DSE: variants seen among roughly 807,000 people sequenced by gnomAD.
DSE encodes dermatan-sulfate epimerase.
Under a neutral mutation model 84.4 loss-of-function variants are expected in DSE, and 36 were observed. The observed-to-expected ratio is 0.43, with a 90% CI of 0.33 to 0.56. DSE has a LOEUF of 0.56. Among genes scored for constraint, DSE ranks in the 20% least tolerant of loss-of-function variants. The pLI, the probability that DSE is intolerant of heterozygous loss-of-function variation, is 0.06. For synonymous variants in DSE, 410 were observed against 430.1 expected (o/e 0.95, Z 0.58); for missense variants, 862 against 1,169.6 (o/e 0.74, Z 3.84).
chr6:116,321,749 G>A (rs9488903), intron 2 of DSE, among the ~76,000 whole-genome samples: 25,075 of 152,100 alleles, frequency 0.16, 2,322 homozygotes, highest in African/African-American at 0.23. Flanking sequence ...ACTCCAGCCC[G>A]GGTGGACAGT....
At chr6:116,281,308 T>C (rs1773515447) in intron 2 of DSE, among the ~76,000 whole-genome samples, 1 of 152,196 alleles carries the variant, frequency 6.6e-6, no homozygotes, top group Non-Finnish European at 1.5e-5. Flanking sequence ...TCCAAAGGAA[T>C]GACAACACCT....
intron 1 of DSE, among the ~76,000 whole-genome samples, chr6:116,371,339 C>A (rs1779551669): frequency 2.0e-5 from 3 of 152,224 alleles, no homozygotes; most frequent in African/African-American, 4.8e-5. Flanking sequence ...ACGGGCTTCC[C>A]CGGCGGCGGA....
At chr6:116,272,362 G>A (rs1433622211) in intron 2 of DSE, among the ~76,000 whole-genome samples, 3 of 152,192 alleles carry the variant, frequency 2.0e-5, no homozygotes, top group Admixed American at 6.5e-5. Context: ...AGAGCAAATA[G>A]TGATCAACAG....
At position 116,441,232 on chromosome 6, in the gene DSE, A is replaced by G. The variant is rs1178130677; in HGVS notation, c.*3887A>G. On this transcript the variant is annotated 3_prime_UTR_variant, in exon 6 of 6. Transcript: ENST00000644252. Reference sequence around the variant, plus strand: ...TTCTGTTAAACAAGACATAGTCACTATGTGAAGAATAAAAATAGACAAAGT... The same window carrying G: ...TTCTGTTAAACAAGACATAGTCACTGTGTGAAGAATAAAAATAGACAAAGT... The G allele has an allele frequency of 1.3e-5, 2 of 152,126 alleles. No homozygotes were observed. The highest frequency in any genetic ancestry group is 2.9e-5 in the Non-Finnish European group (2 of 68,034). The allele number at this position is 152,126 out of a possible 1,614,324, so 9.4% of individuals were successfully genotyped here. A position where few individuals can be genotyped will look rare whatever the true frequency, so the allele number is the denominator to read the frequency against.
intron 2 of DSE, among the ~76,000 whole-genome samples, chr6:116,303,864 G>A (rs923438448): frequency 3.3e-5 from 5 of 152,078 alleles, no homozygotes; most frequent in Non-Finnish European, 5.9e-5. Context: ...GGCCCGGTGC[G>A]GTGGCTCATG....
chr6:116,309,070 A>G (rs1775511910), intron 2 of DSE, among the ~76,000 whole-genome samples: 1 of 152,144 alleles, frequency 6.6e-6, no homozygotes, highest in Admixed American at 6.6e-5. Flanking sequence ...CTTTTACTAA[A>G]AGTTTTTATT....
At chr6:116,369,014 G>A (rs1440118284), upstream of DSE, among the ~76,000 whole-genome samples, 1 of 152,096 alleles carries the variant, frequency 6.6e-6, no homozygotes, top group Non-Finnish European at 1.5e-5. Flanking sequence ...CAAAATTGTG[G>A]GGGGTGTGAG....
In DSE at chr6:116,429,185, A is replaced by G. The variant is rs117694687; in HGVS notation, c.671-1769A>G. ...ATTGAAAACTATCCAGAATATTGAC[A>G]TATCAGGTATGATGCTGGGTGGCAG... On this transcript the variant is annotated intron_variant, in intron 3 of 5. Transcript: ENST00000644252. Among the ~76,000 whole-genome samples, 689 of 152,332 alleles carry G rather than the reference A, an allele frequency of 4.5e-3. 2 individuals are homozygous for G. Among genetic ancestry groups the G allele is most frequent in the Non-Finnish European group, 7.7e-3 (523 of 68,020 alleles).
At chr6:116,377,209 A>G (rs1440131477) in intron 1 of DSE, among the ~76,000 whole-genome samples, 1 of 152,240 alleles carries the variant, frequency 6.6e-6, no homozygotes, top group African/African-American at 2.4e-5. Context: ...ATGCATAACA[A>G]TAACAAACTT....
In DSE at chr6:116,399,279, G is replaced by A. The variant is rs749737486; in HGVS notation, c.29G>A (p.Ser10Asn). Residue 10 changes from serine to asparagine, a missense_variant, in exon 2 of 6, where the codon AGT becomes AAT. Coordinates refer to ENST00000644252, the MANE Select transcript of DSE (RefSeq NM_013352.4). Reference sequence around the variant, plus strand: ...AGGACTCACACACGGGGGGCTCCCAGTGTGTTTTTCATATATTTGCTTTGC... The same window carrying A: ...AGGACTCACACACGGGGGGCTCCCAATGTGTTTTTCATATATTTGCTTTGC... MRTHTRGAP[S>N]VFFIYLLCFV... is the part of the protein sequence containing the mutation. The A allele has an allele frequency of 1.2e-6, 2 of 1,613,992 alleles. No homozygotes were observed. The highest frequency in any genetic ancestry group is 2.2e-5 in the East Asian group (1 of 44,884).
chr6:116,352,254 A>G (rs1393965589), intron 2 of DSE, among the ~76,000 whole-genome samples: 1 of 152,186 alleles, frequency 6.6e-6, no homozygotes, highest in Non-Finnish European at 1.5e-5. Context: ...ACTATTATCT[A>G]TCTACTCATG....
At chr6:116,394,613 A>T (rs1781123983) in intron 1 of DSE, among the ~76,000 whole-genome samples, 1 of 151,866 alleles carries the variant, frequency 6.6e-6, no homozygotes, top group African/African-American at 2.4e-5. Context: ...TTTTTTTATT[A>T]TTTTATTTTA....
intron 2 of DSE, chr6:116,423,081 T>A (rs1366676586): frequency 6.6e-6 from 1 of 152,236 alleles, no homozygotes; most frequent in Non-Finnish European, 1.5e-5. Flanking sequence ...TGCCCTTTAC[T>A]TTACATTTAT....
chr6:116,281,748 A>G (rs1242556221), intron 2 of DSE, among the ~76,000 whole-genome samples: 1 of 152,252 alleles, frequency 6.6e-6, no homozygotes, highest in African/African-American at 2.4e-5. Context: ...AAAATGTTAA[A>G]TAAAGGAGCA....
chr6:116,405,159 A>C (rs1188280138), intron 2 of DSE, among the ~76,000 whole-genome samples: 1 of 152,200 alleles, frequency 6.6e-6, no homozygotes, highest in Admixed American at 6.5e-5. Context: ...TGCTGTACGT[A>C]TGAAAATGAG....
rs1784446215 is a variant in DSE at position 116,442,044 on chromosome 6, A to G, written c.*4699A>G. On this transcript the variant is annotated 3_prime_UTR_variant, in exon 6 of 6. Transcript: ENST00000644252. ...TGATGGTGAATTGGTACTGTCCCAT[A>G]AACAGTGGTTTCTGATGTGATTACT... The G allele has an allele frequency of 6.6e-6, 1 of 152,294 alleles. No individual in the cohort carries two copies. Among genetic ancestry groups the G allele is most frequent in the South Asian group, 2.1e-4 (1 of 4,826 alleles). 9.4% of individuals were successfully genotyped at this position (152,294 alleles called of 1,614,324 possible).
intron 2 of DSE, among the ~76,000 whole-genome samples, chr6:116,339,320 T>C (rs1403424454): frequency 6.6e-6 from 1 of 152,046 alleles, no homozygotes; most frequent in Non-Finnish European, 1.5e-5. Flanking sequence ...CTTTCTTTTT[T>C]TTTTTTAATC....
At chr6:116,266,979 C>G (rs991573877) in intron 2 of DSE, among the ~76,000 whole-genome samples, 7 of 152,164 alleles carry the variant, frequency 4.6e-5, no homozygotes, top group African/African-American at 1.7e-4. Context: ...AGTGTCATCA[C>G]AGCCTGAGTA....
At chr6:116,392,983 C>G (rs1317399661) in intron 1 of DSE, among the ~76,000 whole-genome samples, 2 of 152,180 alleles carry the variant, frequency 1.3e-5, no homozygotes, top group African/African-American at 4.8e-5. Context: ...GTTAACCTAT[C>G]CGCCTTGCAG....
Sources: gnomAD v4.1 joint callset for allele counts (sites outside exome capture counted in the v4.1 genomes callset) on GRCh38, gnomAD v4.1.1 for gene constraint, MANE v1.5 for transcripts, NCBI Gene and HGNC (gene_info 2026-07-23, HGNC 2026-07-21) for gene names.